The following MAPK10 variants were observed in gnomAD, a reference collection of about 807,000 sequenced individuals.
MAPK10 encodes JNK3 alpha protein kinase.
In MAPK10, 25 loss-of-function variants were observed where a neutral mutation model predicts 59.3. The observed-to-expected ratio is 0.42, with a 90% CI of 0.31 to 0.59. MAPK10 has a LOEUF of 0.59. MAPK10 is among the 20% of genes least tolerant of loss of function. MAPK10 has a pLI of 0.15. For missense variants in MAPK10, 351 were observed against 568.9 expected, an observed-to-expected ratio of 0.62 and a Z score of 3.90; for synonymous variants, 190 against 200.5, an observed-to-expected ratio of 0.95 and a Z score of 0.44.
rs144309115 is a variant in MAPK10 at position 86,158,195 on chromosome 4, CTT to C, written c.236+1101_236+1102del. Among the ~76,000 whole-genome samples the C allele has an allele frequency of 1.7e-4, 25 of 151,134 alleles. 1 individual carries two copies. The highest frequency in any genetic ancestry group is 5.8e-4 in the African/African-American group (24 of 41,292). Reference sequence around the variant, plus strand: ...TTAAAATATTTTAAATTTTAAACCTCTTTTTTTTTATCACAACTGCAAGGAAT... The same window carrying C: ...TTAAAATATTTTAAATTTTAAACCTCTTTTTTTATCACAACTGCAAGGAAT... On this transcript the variant is annotated intron_variant, in intron 4 of 13. Coordinates refer to ENST00000641462, the MANE Select transcript of MAPK10 (RefSeq NM_138982.4).
At chr4:86,446,362 C>T (rs941946830) in intron 1 of MAPK10, among the ~76,000 whole-genome samples, 2 of 152,062 alleles carry the variant, frequency 1.3e-5, no homozygotes, top group African/African-American at 2.4e-5. Context: ...TTGAGAATTA[C>T]ATTACCTAAC....
rs1168605471 is a variant in MAPK10 at position 86,507,632 on chromosome 4, A to G, written c.-263+86278T>C. Among the ~76,000 whole-genome samples, 13 of 61,580 alleles carry G rather than the reference A, an allele frequency of 2.1e-4. 1 individual carries two copies. The highest frequency in any genetic ancestry group is 1.9e-3 in the East Asian group (4 of 2,088). The allele number at this position is 61,580 out of a possible 152,430, so 40.4% of individuals were successfully genotyped here. A position where few individuals can be genotyped will look rare whatever the true frequency, so the allele number is the denominator to read the frequency against. ...AAACTGGAGATATATATATATATAT[A>G]TATATATATATATATATATATATAT... is the stretch of plus-strand genomic sequence containing the variant. On this transcript the variant is annotated intron_variant, in intron 1 of 4. Transcript: ENST00000502302.
At chr4:86,523,447 A>G (rs1432122508) in intron 1 of MAPK10, among the ~76,000 whole-genome samples, 1 of 152,236 alleles carries the variant, frequency 6.6e-6, no homozygotes, top group African/African-American at 2.4e-5. Context: ...TTTATTCCCC[A>G]TACCAAAGGC....
rs184054865 is a variant in MAPK10 at position 86,325,706 on chromosome 4, A to G, written c.-7+28824T>C. Among the ~76,000 whole-genome samples, 34 of 152,350 alleles carry G rather than the reference A, an allele frequency of 2.2e-4. No individual in the cohort carries two copies. The East Asian group carries it at 4.8e-3, about 22-fold the overall frequency. ...CTCTTAAGTAAAAACAATTTGGAATAGAATATTGCCCCTTAATTCATGTCA... is the reference window on the plus strand; with the variant it reads ...CTCTTAAGTAAAAACAATTTGGAATGGAATATTGCCCCTTAATTCATGTCA... On this transcript the variant is annotated intron_variant, in intron 2 of 13. Coordinates refer to ENST00000641462, the MANE Select transcript of MAPK10 (RefSeq NM_138982.4).
chr4:86,204,231 C>T (rs2083308005), intron 2 of MAPK10, among the ~76,000 whole-genome samples: 2 of 151,820 alleles, frequency 1.3e-5, no homozygotes, highest in Non-Finnish European at 2.9e-5. Flanking sequence ...GATAGAAAGG[C>T]CAAACTAATT....
intron 1 of MAPK10, among the ~76,000 whole-genome samples, chr4:86,465,154 G>A (rs1479180934): frequency 6.6e-6 from 1 of 152,192 alleles, no homozygotes; most frequent in African/African-American, 2.4e-5. Context: ...TTGTTTGGGA[G>A]ACTAGCTTAT....
intron 3 of MAPK10, among the ~76,000 whole-genome samples, chr4:86,161,147 G>A (rs2149233854): frequency 6.6e-6 from 1 of 152,122 alleles, no homozygotes; most frequent in South Asian, 2.1e-4. Context: ...CATTGCAAAT[G>A]CACTAAGACC....
chr4:86,119,700 T>C (rs1363088613), intron 4 of MAPK10: 1 of 152,192 alleles, frequency 6.6e-6, no homozygotes, highest in Non-Finnish European at 1.5e-5. Context: ...GGGCTTATTA[T>C]GTCAGATGCT....
At chr4:86,409,602 GA>G (rs1744857942) in intron 1 of MAPK10, among the ~76,000 whole-genome samples, 2 of 152,110 alleles carry the variant, frequency 1.3e-5, no homozygotes, top group South Asian at 4.1e-4. Context: ...AGTTCTCCTT[GA>G]AGAGGTCCTT....
At chr4:86,426,557 C>A (rs1330545266) in intron 1 of MAPK10, among the ~76,000 whole-genome samples, 3 of 152,136 alleles carry the variant, frequency 2.0e-5, no homozygotes. Context: ...TTGGTTCAAC[C>A]CACCAGTTCC....
chr4:86,274,568 TA>T (rs2094521143), intron 2 of MAPK10, among the ~76,000 whole-genome samples: 1 of 151,986 alleles, frequency 6.6e-6, no homozygotes. Context: ...GACGGGACTT[TA>T]CTTTCTTTTC....
chr4:86,103,117 GGT>G (rs1553989213), intron 6 of MAPK10, 67 bp downstream of exon 6: 4 of 743,280 alleles, frequency 5.4e-6, no homozygotes, highest in Admixed American at 1.9e-5. Flanking sequence ...GTGTGTGTGT[GGT>G]GTGTGATTTT....
chr4:86,468,758 G>A (rs1232336621), intron 1 of MAPK10, among the ~76,000 whole-genome samples: 1 of 152,128 alleles, frequency 6.6e-6, no homozygotes, highest in East Asian at 1.9e-4. Flanking sequence ...GGAGGCTGAG[G>A]CAGGAGAATT....
intron 4 of MAPK10, among the ~76,000 whole-genome samples, chr4:86,140,343 C>G (rs1028461414): frequency 1.8e-4 from 25 of 141,260 alleles, no homozygotes; most frequent in Non-Finnish European, 3.5e-4. Context: ...CCATGGAATA[C>G]TATGCAGCCA....
chr4:86,579,601 A>AATTTATACAATT (rs1762127253), intron 1 of MAPK10, among the ~76,000 whole-genome samples: 1 of 151,912 alleles, frequency 6.6e-6, no homozygotes, highest in Non-Finnish European at 1.5e-5. Flanking sequence ...TTTATTTCAC[A>AATTTATACAATT]TAAAATGTTT....
intron 9 of MAPK10, among the ~76,000 whole-genome samples, chr4:86,094,028 G>C (rs150809579): frequency 6.6e-6 from 1 of 151,850 alleles, no homozygotes; most frequent in Non-Finnish European, 1.5e-5. Flanking sequence ...AAGAAAAAGA[G>C]TTAGACTATA....
intron 2 of MAPK10, among the ~76,000 whole-genome samples, chr4:86,303,240 C>T (rs1225623159): frequency 6.6e-6 from 1 of 152,114 alleles, no homozygotes; most frequent in Non-Finnish European, 1.5e-5. Context: ...TTATATTTTT[C>T]CATAAAGTCT....
intron 3 of MAPK10, among the ~76,000 whole-genome samples, chr4:86,166,246 T>A (rs2071676937): frequency 6.6e-6 from 1 of 152,244 alleles, no homozygotes; most frequent in Non-Finnish European, 1.5e-5. Context: ...AAATGCAGCT[T>A]CTCATCTAAC....
intron 4 of MAPK10, among the ~76,000 whole-genome samples, chr4:86,140,126 G>A (rs1389950104): frequency 7.6e-6 from 1 of 131,316 alleles, no homozygotes; most frequent in Non-Finnish European, 1.6e-5. Flanking sequence ...TCAGTGTGGC[G>A]ACTCCTCAGG....
Sources: allele counts gnomAD v4.1 joint callset (sites outside exome capture counted in the v4.1 genomes callset), GRCh38; gene constraint gnomAD v4.1.1; transcripts MANE v1.5; gene names NCBI Gene and HGNC (gene_info 2026-07-23, HGNC 2026-07-21).